Variants in FGGY observed in about 807,000 individuals in gnomAD.
FGGY encodes the protein FGGY carbohydrate kinase domain containing.
In FGGY, 72 loss-of-function variants were observed where a neutral mutation model predicts 71.3. The observed-to-expected ratio is 1.01, with a 90% CI of 0.84 to 1.23. The LOEUF is 1.23. Among genes scored for constraint, FGGY ranks in the 50% most tolerant of loss-of-function variants. The pLI, the probability that FGGY is intolerant of heterozygous loss-of-function variation, is 0.00. For missense variants in FGGY, 668 were observed against 682.3 expected (o/e 0.98, Z 0.23); for synonymous variants, 251 against 250.3 (o/e 1.00, Z -0.02).
chr1:59,360,133 A>G (rs899540920), intron 4 of FGGY, among the ~76,000 whole-genome samples: 17 of 149,970 alleles, frequency 1.1e-4, no homozygotes, highest in African/African-American at 4.1e-4. Context: ...CATTGTTATT[A>G]TTATTATTAT....
chr1:59,428,598 G>T (rs2066790428), intron 5 of FGGY, among the ~76,000 whole-genome samples: 1 of 152,140 alleles, frequency 6.6e-6, no homozygotes, highest in African/African-American at 2.4e-5. Context: ...CGTGACCTTG[G>T]GTCAGTTTGT....
At chr1:59,413,257 C>A (rs2063866542) in intron 5 of FGGY, among the ~76,000 whole-genome samples, 1 of 152,204 alleles carries the variant, frequency 6.6e-6, no homozygotes, top group South Asian at 2.1e-4. Context: ...ACCTGCATCT[C>A]TCCTTCTTGG....
At position 59,380,581 on chromosome 1, in the gene FGGY, G is replaced by A. The variant is rs1317048110; in HGVS notation, c.554+1744G>A. Among the ~76,000 whole-genome samples the A allele has an allele frequency of 2.6e-5, 4 of 151,656 alleles. 1 individual carries two copies. The highest frequency in any genetic ancestry group is 9.8e-5 in the African/African-American group (4 of 40,918). On this transcript the variant is annotated intron_variant, in intron 5 of 15. Transcript: ENST00000303721. The stretch of plus-strand genomic sequence containing the variant: ...GCATTTTTTCATGTGTCTTCTGGCT[G>A]CATAAATGTCTTCTTTTGAGAAGTG...
chr1:59,571,196 G>A (rs1018791359), intron 8 of FGGY, among the ~76,000 whole-genome samples: 19 of 152,162 alleles, frequency 1.2e-4, no homozygotes, highest in Middle Eastern at 3.2e-3. Flanking sequence ...AATAGGATAC[G>A]ATCATCACCA....
chr1:59,546,492 GGATGATGATGAT>G (rs371455666), intron 7 of FGGY, among the ~76,000 whole-genome samples: 264 of 115,424 alleles, frequency 2.3e-3, no homozygotes, highest in African/African-American at 7.2e-3. Context: ...TTAAAGCATA[GGATGATGATGAT>G]GATGATGATG....
At chr1:59,611,157 G>T in intron 9 of FGGY, among the ~76,000 whole-genome samples, 1 of 152,210 alleles carries the variant, frequency 6.6e-6, no homozygotes, top group East Asian at 1.9e-4. Flanking sequence ...CAGCTTTGAA[G>T]AGAGAAGTGG....
chr1:59,449,976 A>G (rs1014043985), intron 5 of FGGY, among the ~76,000 whole-genome samples: 1 of 152,230 alleles, frequency 6.6e-6, no homozygotes, highest in African/African-American at 2.4e-5. Flanking sequence ...TCTAAAAAGT[A>G]GAATAAGTTT....
At chr1:59,732,336 T>C (rs1274234640) in intron 14 of FGGY, among the ~76,000 whole-genome samples, 1 of 152,204 alleles carries the variant, frequency 6.6e-6, no homozygotes, top group African/African-American at 2.4e-5. Context: ...TAGGCCTCTC[T>C]TGTGCTCCTC....
intron 4 of FGGY, among the ~76,000 whole-genome samples, chr1:59,368,375 A>G (rs529286466): frequency 6.6e-6 from 1 of 152,034 alleles, no homozygotes; most frequent in East Asian, 1.9e-4. Flanking sequence ...CTCTGATTGG[A>G]CTGGGAGGTT....
At chr1:59,350,873 T>C (rs961723222) in intron 4 of FGGY, among the ~76,000 whole-genome samples, 1 of 152,224 alleles carries the variant, frequency 6.6e-6, no homozygotes. Flanking sequence ...CGTCACTGTT[T>C]GTCTTTTACA....
At chr1:59,490,672 G>A (rs564177872) in intron 6 of FGGY, among the ~76,000 whole-genome samples, 2 of 152,128 alleles carry the variant, frequency 1.3e-5, no homozygotes, top group South Asian at 4.1e-4. Context: ...TTAGGTCTTT[G>A]ATCCATTTTG....
intron 7 of FGGY, among the ~76,000 whole-genome samples, chr1:59,546,300 C>T (rs1484428169): frequency 1.3e-5 from 2 of 151,832 alleles, no homozygotes; most frequent in African/African-American, 2.4e-5. Context: ...ACCAAGCAGT[C>T]GAGTTCCAGT....
At chr1:59,739,530 G>A (rs2098130876) in intron 14 of FGGY, among the ~76,000 whole-genome samples, 1 of 152,206 alleles carries the variant, frequency 6.6e-6, no homozygotes, top group East Asian at 1.9e-4. Flanking sequence ...TTGCAGGTGG[G>A]AAGGTAAGGT....
chr1:59,445,385 C>T (rs2071011357), intron 5 of FGGY, among the ~76,000 whole-genome samples: 1 of 152,200 alleles, frequency 6.6e-6, no homozygotes, highest in South Asian at 2.1e-4. Flanking sequence ...TCTCCTGCAG[C>T]CTAATCATCC....
intron 7 of FGGY, 109 bp from the exon 8 acceptor site, chr1:59,554,015 C>G (rs1207018930): frequency 1.2e-6 from 1 of 837,104 alleles, no homozygotes; most frequent in Non-Finnish European, 1.9e-6. Context: ...ACCCTTCCTC[C>G]ATGTTGTTTG....
chr1:59,340,175 A>T, intron 3 of FGGY, 106 bp downstream of exon 3: 2 of 719,460 alleles, frequency 2.8e-6, no homozygotes, highest in Non-Finnish European at 2.3e-6. Flanking sequence ...CTGATAGTAA[A>T]ATTTAGAGGT....
intron 5 of FGGY, among the ~76,000 whole-genome samples, chr1:59,437,410 C>T (rs2068709869): frequency 6.6e-6 from 1 of 152,262 alleles, no homozygotes; most frequent in Non-Finnish European, 1.5e-5. Flanking sequence ...ACGCAGTCTG[C>T]ACCCCTTTAG....
intron 1 of FGGY, among the ~76,000 whole-genome samples, chr1:59,304,026 CT>C (rs1428621549): frequency 2.0e-5 from 3 of 152,012 alleles, no homozygotes; most frequent in Non-Finnish European, 4.4e-5. Context: ...AATATTTTCT[CT>C]TTTAGAGGTT....
At chr1:59,715,651 A>G (rs992806388) in intron 14 of FGGY, among the ~76,000 whole-genome samples, 16 of 152,290 alleles carry the variant, frequency 1.1e-4, no homozygotes, top group African/African-American at 3.8e-4. Context: ...TCTGAGCTTT[A>G]GTTTGCTTCC....
Sources: allele counts gnomAD v4.1 joint callset (sites outside exome capture counted in the v4.1 genomes callset), GRCh38; gene constraint gnomAD v4.1.1; transcripts MANE v1.5; gene names NCBI Gene and HGNC (gene_info 2026-07-23, HGNC 2026-07-21).